The following TBC1D5 variants were observed in gnomAD, a reference collection of about 807,000 sequenced individuals.
The protein encoded by TBC1D5 is TBC1 domain family, member 5.
TBC1D5 carries 75 observed loss-of-function variants against 100.3 expected under a neutral mutation model. That is an observed-to-expected ratio of 0.75 (90% CI 0.62 to 0.91). TBC1D5 has a LOEUF of 0.91. Among genes scored for constraint, TBC1D5 ranks in the 40% least tolerant of loss-of-function variants. The pLI is 0.00. For missense variants in TBC1D5, 910 were observed against 942.4 expected (o/e 0.97, Z 0.45); for synonymous variants, 323 against 325.6 (o/e 0.99, Z 0.09).
intron 1 of TBC1D5, among the ~76,000 whole-genome samples, chr3:17,670,625 G>C (rs1195648099): frequency 6.6e-6 from 1 of 152,164 alleles, no homozygotes; most frequent in Non-Finnish European, 1.5e-5. Flanking sequence ...ATGATGATTT[G>C]ATCTTTAGCA....
chr3:17,411,118 T>C (rs1445543092), intron 4 of TBC1D5, among the ~76,000 whole-genome samples: 1 of 151,928 alleles, frequency 6.6e-6, no homozygotes, highest in African/African-American at 2.4e-5. Flanking sequence ...ACCACCACCC[T>C]AACTAGTGGG....
intron 15 of TBC1D5, among the ~76,000 whole-genome samples, chr3:17,277,001 C>G (rs1285897649): frequency 6.6e-6 from 1 of 152,202 alleles, no homozygotes; most frequent in Non-Finnish European, 1.5e-5. Context: ...GAGCCTGAGA[C>G]ACCCCAGTCT....
chr3:17,299,927 G>A (rs1168988497), intron 14 of TBC1D5, among the ~76,000 whole-genome samples: 1 of 150,594 alleles, frequency 6.6e-6, no homozygotes, highest in African/African-American at 2.4e-5. Flanking sequence ...GGGAGAATAT[G>A]GGTATCTGGG....
At chr3:17,693,063 T>A (rs374936432) in intron 1 of TBC1D5, among the ~76,000 whole-genome samples, 1 of 152,182 alleles carries the variant, frequency 6.6e-6, no homozygotes, top group African/African-American at 2.4e-5. Context: ...AAGGCTCTCA[T>A]CAGATGTGAA....
At chr3:17,313,416 A>C (rs1336762855) in intron 13 of TBC1D5, among the ~76,000 whole-genome samples, 1 of 152,190 alleles carries the variant, frequency 6.6e-6, no homozygotes, top group Non-Finnish European at 1.5e-5. Flanking sequence ...ACTTCTAGAA[A>C]GTCTGTAAAT....
intron 15 of TBC1D5, among the ~76,000 whole-genome samples, chr3:17,261,486 G>T (rs369172581): frequency 6.6e-6 from 1 of 151,192 alleles, no homozygotes; most frequent in East Asian, 1.9e-4. Context: ...GGGTGGGGTG[G>T]GGGGGGAGAC....
intron 3 of TBC1D5, among the ~76,000 whole-genome samples, chr3:17,499,827 A>G (rs998346217): frequency 6.7e-6 from 1 of 149,578 alleles, no homozygotes; most frequent in Non-Finnish European, 1.5e-5. Flanking sequence ...TTCATATTTT[A>G]GGTTTTAAGA....
chr3:17,284,154 G>T (rs2080917716), intron 15 of TBC1D5, among the ~76,000 whole-genome samples: 1 of 139,844 alleles, frequency 7.2e-6, no homozygotes, highest in South Asian at 2.2e-4. Context: ...GTCTTGGTCT[G>T]TCACCCAGGC....
intron 1 of TBC1D5, among the ~76,000 whole-genome samples, chr3:17,644,785 C>T (rs1215615985): frequency 1.3e-5 from 2 of 151,952 alleles, no homozygotes; most frequent in Admixed American, 6.6e-5. Flanking sequence ...ATTTGGGAGA[C>T]AAAAATACAC....
intron 14 of TBC1D5, among the ~76,000 whole-genome samples, chr3:17,294,881 A>C (rs1290218643): frequency 1.3e-5 from 2 of 152,248 alleles, no homozygotes; most frequent in Non-Finnish European, 2.9e-5. Flanking sequence ...TAAAGTAGGT[A>C]GAAAAGAATT....
intron 15 of TBC1D5, among the ~76,000 whole-genome samples, chr3:17,267,199 C>A (rs1173618922): frequency 6.6e-6 from 1 of 152,072 alleles, no homozygotes; most frequent in Non-Finnish European, 1.5e-5. Context: ...ATTTAGCGTG[C>A]AGAAAGATGC....
At chr3:17,196,651 T>C (rs1163355647) in intron 18 of TBC1D5, among the ~76,000 whole-genome samples, 1 of 152,246 alleles carries the variant, frequency 6.6e-6, no homozygotes, top group Non-Finnish European at 1.5e-5. Flanking sequence ...CACACGTTGG[T>C]GTCGTGAAAT....
intron 4 of TBC1D5, among the ~76,000 whole-genome samples, chr3:17,414,935 G>A (rs1371930930): frequency 6.6e-6 from 1 of 152,070 alleles, no homozygotes; most frequent in Non-Finnish European, 1.5e-5. Flanking sequence ...ATATGTCTAG[G>A]TGAAACATGT....
chr3:17,504,488 G>C (rs1381773985), intron 3 of TBC1D5, among the ~76,000 whole-genome samples: 1 of 151,952 alleles, frequency 6.6e-6, no homozygotes, highest in Non-Finnish European at 1.5e-5. Context: ...ATATATTGTT[G>C]AATGCTCTGA....
chr3:17,530,429 T>C (rs985211800), intron 2 of TBC1D5, among the ~76,000 whole-genome samples: 8 of 152,228 alleles, frequency 5.3e-5, no homozygotes, highest in African/African-American at 1.9e-4. Flanking sequence ...GGAGTGACCA[T>C]AATTTAGATT....
chr3:17,161,340 T>G, intron 21 of TBC1D5, 84 bp from the exon 23 acceptor site: 1 of 1,467,684 alleles, frequency 6.8e-7, no homozygotes, highest in Non-Finnish European at 9.1e-7. Flanking sequence ...ACTGGGGGAC[T>G]CGTGGTGGAA....
At chr3:17,512,777 G>A (rs77846871) in intron 2 of TBC1D5, among the ~76,000 whole-genome samples, 6,026 of 152,088 alleles carry the variant, frequency 0.04, 177 homozygotes, top group African/African-American at 0.082. Flanking sequence ...TTTACAATAC[G>A]GTTTTAGTGC....
At chr3:17,325,573 T>C (rs283934) in intron 13 of TBC1D5, among the ~76,000 whole-genome samples, 75,663 of 151,984 alleles carry the variant, frequency 0.5, 20,263 homozygotes, top group African/African-American at 0.67. Context: ...CCACCTGCCT[T>C]GGCCTCCCAA....
At chr3:17,717,007 T>C (rs1319050219) in intron 1 of TBC1D5, among the ~76,000 whole-genome samples, 6 of 152,144 alleles carry the variant, frequency 3.9e-5, no homozygotes, top group Non-Finnish European at 8.8e-5. Context: ...GAGCATAAAA[T>C]TCTAGGCATT....
Sources: gnomAD v4.1 joint callset for allele counts (sites outside exome capture counted in the v4.1 genomes callset) on GRCh38, gnomAD v4.1.1 for gene constraint, MANE v1.5 for transcripts, NCBI Gene and HGNC (gene_info 2026-07-23, HGNC 2026-07-21) for gene names.